The following NTM variants were observed in gnomAD, a reference collection of about 807,000 sequenced individuals.
NTM encodes the protein IgLON family member 2.
In NTM, 13 loss-of-function variants were observed where a neutral mutation model predicts 42.1. The observed-to-expected ratio is 0.31, with a 90% confidence interval of 0.20 to 0.49. The LOEUF is 0.49. Among genes scored for constraint, NTM ranks in the 20% least tolerant of loss-of-function variants. The pLI is 0.99. For synonymous variants in NTM, 187 were observed against 179.2 expected, an observed-to-expected ratio of 1.04 and a Z score of -0.35; for missense variants, 373 against 452.8, an observed-to-expected ratio of 0.82 and a Z score of 1.60.
At chr11:132,158,008 T>G (rs2073560305) in intron 3 of NTM, among the ~76,000 whole-genome samples, 1 of 152,226 alleles carries the variant, frequency 6.6e-6, no homozygotes, top group African/African-American at 2.4e-5. Context: ...GCTTTCTACC[T>G]AACTGGCCTG....
chr11:131,634,414 C>G (rs1228912352), intron 1 of NTM, among the ~76,000 whole-genome samples: 1 of 151,100 alleles, frequency 6.6e-6, no homozygotes, highest in African/African-American at 2.4e-5. Context: ...AAAAAAAGTG[C>G]TTTCTCAAAG....
At chr11:131,630,701 G>C (rs1220063343) in intron 1 of NTM, among the ~76,000 whole-genome samples, 1 of 152,144 alleles carries the variant, frequency 6.6e-6, no homozygotes, top group East Asian at 1.9e-4. Context: ...CCTCTTTGCT[G>C]TATCCCTCCC....
chr11:132,016,062 A>G (rs1294973262), intron 2 of NTM, among the ~76,000 whole-genome samples: 2 of 150,212 alleles, frequency 1.3e-5, no homozygotes, highest in Non-Finnish European at 3.0e-5. Flanking sequence ...TTTGTCATAT[A>G]TGGTCTTCGC....
rs2076756093 is a variant in NTM, at chr11:132,038,302, T to C, written c.168-107980T>C. On this transcript the variant is annotated intron_variant, in intron 2 of 8. Coordinates refer to ENST00000683400, the MANE Select transcript of NTM (RefSeq NM_001352005.2). ...TCATGCATTCTTTGACCAAAGATAT[T>C]TCCAAGACAGCTGGCCCCGGCTGTG... Among the ~76,000 whole-genome samples, 3 of 152,344 alleles carry C rather than the reference T, an allele frequency of 2.0e-5. No homozygotes were observed. In the South Asian group the frequency reaches 6.2e-4, roughly 32 times the overall value.
intron 2 of NTM, among the ~76,000 whole-genome samples, chr11:132,105,507 G>T (rs2062250718): frequency 6.6e-6 from 1 of 152,032 alleles, no homozygotes; most frequent in Non-Finnish European, 1.5e-5. Context: ...AGAAAGAAGA[G>T]GTGGGAGAAA....
intron 2 of NTM, among the ~76,000 whole-genome samples, chr11:132,135,806 GGAGA>G (rs1403528396): frequency 3.3e-5 from 5 of 152,182 alleles, no homozygotes; most frequent in Non-Finnish European, 5.9e-5. Context: ...TCCTGCACAG[GGAGA>G]GAGAGACAGG....
chr11:131,519,264 A>G (rs1322993386), intron 1 of NTM, among the ~76,000 whole-genome samples: 1 of 152,260 alleles, frequency 6.6e-6, no homozygotes, highest in Non-Finnish European at 1.5e-5. Context: ...CCTGCTTGTT[A>G]GGGAGCTGTA....
At chr11:131,483,175 A>C (rs1399687118) in intron 1 of NTM, among the ~76,000 whole-genome samples, 3 of 152,218 alleles carry the variant, frequency 2.0e-5, no homozygotes, top group Non-Finnish European at 4.4e-5. Context: ...AAGCTTCGAG[A>C]GAAGCTCAAA....
At chr11:132,147,912 G>A (rs930146828) in intron 3 of NTM, among the ~76,000 whole-genome samples, 2 of 152,216 alleles carry the variant, frequency 1.3e-5, no homozygotes, top group Non-Finnish European at 2.9e-5. Flanking sequence ...CTGTTTGACA[G>A]TAGGGGAAGG....
At position 132,247,879 on chromosome 11, in the gene NTM, CCT is replaced by C. The variant is rs1302902723; in HGVS notation, c.526+35733_526+35734del. Among the ~76,000 whole-genome samples, 20 of 152,238 alleles carry C rather than the reference CCT, an allele frequency of 1.3e-4. No individual in the cohort carries two copies. In the East Asian group the frequency reaches 3.7e-3, roughly 28 times the overall value. On this transcript the variant is annotated intron_variant, in intron 4 of 8. Coordinates refer to ENST00000683400, the MANE Select transcript of NTM (RefSeq NM_001352005.2). ...AGACACTTGCTACCTCATTTTACCCCCTGTGTATCTCTAATCTTAAATCTGAA... is the reference window on the plus strand; with the variant it reads ...AGACACTTGCTACCTCATTTTACCCCGTGTATCTCTAATCTTAAATCTGAA...
At chr11:131,986,157 C>G in intron 2 of NTM, among the ~76,000 whole-genome samples, 1 of 152,212 alleles carries the variant, frequency 6.6e-6, no homozygotes, top group Non-Finnish European at 1.5e-5. Flanking sequence ...AGAACCCCAT[C>G]TGGCCTATTG....
chr11:131,660,702 G>A, intron 1 of NTM: 1 of 420,960 alleles, frequency 2.4e-6, no homozygotes, highest in Non-Finnish European at 4.5e-6. Flanking sequence ...GGCTAGGGTG[G>A]TGAAGAGGGA....
At chr11:131,627,232 T>TGTGTG (rs2063206906) in intron 1 of NTM, among the ~76,000 whole-genome samples, 1 of 150,596 alleles carries the variant, frequency 6.6e-6, no homozygotes, top group African/African-American at 2.5e-5. Flanking sequence ...TATTTATTTT[T>TGTGTG]TTTGTGGGTT....
chr11:132,137,929 T>A (rs1421660902), intron 2 of NTM, among the ~76,000 whole-genome samples: 2 of 152,148 alleles, frequency 1.3e-5, no homozygotes, highest in Non-Finnish European at 2.9e-5. Flanking sequence ...GCTGGCTTTG[T>A]CCCTGCTAAA....
Position 131,447,575 on chromosome 11 carries a change from G to A in NTM, c.82+76687G>A, listed in dbSNP as rs557067872. ...GGGAGAGGGAGGGAGTGAGAATTGA[G>A]CAATCTTTCAGAAGAATAAATATGG... On this transcript the variant is annotated intron_variant, in intron 1 of 8. Transcript: ENST00000683400. Among the ~76,000 whole-genome samples, 11 of 152,274 alleles carry A rather than the reference G, an allele frequency of 7.2e-5. No homozygotes were observed. The South Asian group carries it at 2.3e-3, about 32-fold the overall frequency.
At chr11:132,287,335 A>G (rs923829111) in intron 4 of NTM, among the ~76,000 whole-genome samples, 3 of 152,068 alleles carry the variant, frequency 2.0e-5, no homozygotes, top group Non-Finnish European at 2.9e-5. Context: ...TGAATAATGG[A>G]AGACACATTG....
At chr11:132,176,695 A>C (rs1370778515) in intron 3 of NTM, among the ~76,000 whole-genome samples, 2 of 147,218 alleles carry the variant, frequency 1.4e-5, no homozygotes, top group African/African-American at 5.0e-5. Flanking sequence ...AGCCTCTGTG[A>C]ATCCTAGTTG....
intron 1 of NTM, among the ~76,000 whole-genome samples, chr11:131,708,304 A>G (rs1390466995): frequency 1.3e-5 from 2 of 152,200 alleles, no homozygotes; most frequent in Non-Finnish European, 2.9e-5. Flanking sequence ...TTCAAGAAAC[A>G]TAACAAACTT....
At chr11:132,298,928 A>G (rs1233427715) in intron 4 of NTM, among the ~76,000 whole-genome samples, 2 of 152,174 alleles carry the variant, frequency 1.3e-5, no homozygotes, top group African/African-American at 4.8e-5. Flanking sequence ...TATAGTTGGC[A>G]CCAGTTTGTA....
Sources: allele counts gnomAD v4.1 joint callset (sites outside exome capture counted in the v4.1 genomes callset), GRCh38; gene constraint gnomAD v4.1.1; transcripts MANE v1.5; gene names NCBI Gene and HGNC (gene_info 2026-07-23, HGNC 2026-07-21).